GALNTL6: variants seen among roughly 807,000 people sequenced by gnomAD.
GALNTL6 encodes the protein polypeptide N-acetylgalactosaminyltransferase like 6.
GALNTL6 carries 46 observed loss-of-function variants against 73.7 expected under a neutral mutation model. That is an observed-to-expected ratio of 0.62 (90% CI 0.49 to 0.80). GALNTL6 has a LOEUF of 0.80. GALNTL6 is among the 30% of genes least tolerant of loss of function. The pLI is 0.00. For missense variants in GALNTL6, 604 were observed against 755.0 expected (o/e 0.80, Z 2.34); for synonymous variants, 259 against 263.7 (o/e 0.98, Z 0.17).
intron 8 of GALNTL6, among the ~76,000 whole-genome samples, chr4:172,886,337 A>G (rs1745716741): frequency 6.6e-6 from 1 of 152,166 alleles, no homozygotes; most frequent in South Asian, 2.1e-4. Context: ...CAGTTGTTCA[A>G]AATGGTCTCT....
intron 2 of GALNTL6, among the ~76,000 whole-genome samples, chr4:172,086,411 T>C (rs920880958): frequency 6.6e-6 from 1 of 152,178 alleles, no homozygotes; most frequent in African/African-American, 2.4e-5. Context: ...ATTTTATTTC[T>C]GTGCAAGCTA....
At chr4:173,037,812 G>C (rs552181132) in intron 12 of GALNTL6, among the ~76,000 whole-genome samples, 14 of 151,494 alleles carry the variant, frequency 9.2e-5, no homozygotes, top group African/African-American at 3.4e-4. Flanking sequence ...GCCTGATCTC[G>C]GCTCACTGCA....
chr4:171,988,928 A>AG lies in GALNTL6; in HGVS notation c.138+174210_138+174211insG, dbSNP rs1354064125. Reference sequence around the variant, plus strand: ...GTGAAGGAGGCTTTGAACTGGGGGAAAAGGTGGCAATGAGGTGTGGCTGTA... The same window carrying AG: ...GTGAAGGAGGCTTTGAACTGGGGGAAGAAGGTGGCAATGAGGTGTGGCTGTA... On this transcript the variant is annotated intron_variant, in intron 2 of 12. Coordinates refer to ENST00000506823, the MANE Select transcript of GALNTL6 (RefSeq NM_001034845.3). Among the ~76,000 whole-genome samples, 87 of 152,090 alleles carry AG rather than the reference A, an allele frequency of 5.7e-4. No homozygotes were observed. The South Asian group carries it at 0.018, about 31-fold the overall frequency.
At chr4:172,750,437 A>G (rs925840339) in intron 5 of GALNTL6, among the ~76,000 whole-genome samples, 1 of 152,202 alleles carries the variant, frequency 6.6e-6, no homozygotes, top group East Asian at 1.9e-4. Flanking sequence ...GCCACTTCAA[A>G]TGATGCCAAC....
chr4:172,167,141 C>T (rs1734653503), intron 2 of GALNTL6, among the ~76,000 whole-genome samples: 1 of 152,190 alleles, frequency 6.6e-6, no homozygotes. Context: ...TTAAAACCTC[C>T]TGGTACATAG....
chr4:171,819,597 G>A (rs2110800425), intron 2 of GALNTL6, among the ~76,000 whole-genome samples: 1 of 152,216 alleles, frequency 6.6e-6, no homozygotes, highest in South Asian at 2.1e-4. Context: ...TTGTTTGTCA[G>A]GAGTAGCCGT....
chr4:172,695,797 A>C (rs1364754639), intron 5 of GALNTL6, among the ~76,000 whole-genome samples: 1 of 151,994 alleles, frequency 6.6e-6, no homozygotes, highest in Non-Finnish European at 1.5e-5. Flanking sequence ...AATTACAAAG[A>C]AAAAAATTAG....
intron 2 of GALNTL6, among the ~76,000 whole-genome samples, chr4:171,904,244 GA>G (rs913629439): frequency 1.3e-5 from 2 of 151,976 alleles, no homozygotes; most frequent in African/African-American, 4.8e-5. Context: ...TGAAAACTTT[GA>G]AAAAAATTTA....
intron 5 of GALNTL6, among the ~76,000 whole-genome samples, chr4:172,447,965 T>C (rs1268357056): frequency 6.6e-6 from 1 of 152,220 alleles, no homozygotes; most frequent in Non-Finnish European, 1.5e-5. Context: ...AGGAGATTAT[T>C]ATAAAGGGTG....
intron 5 of GALNTL6, among the ~76,000 whole-genome samples, chr4:172,480,255 A>G (rs757980541): frequency 7.9e-5 from 12 of 152,002 alleles, no homozygotes; most frequent in Admixed American, 2.6e-4. Flanking sequence ...CGAGGTTGCC[A>G]TGAGTCATGA....
At chr4:172,159,607 ATATTG>A in intron 2 of GALNTL6, among the ~76,000 whole-genome samples, 1 of 152,248 alleles carries the variant, frequency 6.6e-6, no homozygotes, top group Non-Finnish European at 1.5e-5. Flanking sequence ...AAACTTTCCC[ATATTG>A]AAGGAACTTA....
intron 5 of GALNTL6, among the ~76,000 whole-genome samples, chr4:172,662,790 C>T (rs1464674815): frequency 6.6e-6 from 1 of 151,850 alleles, no homozygotes; most frequent in Non-Finnish European, 1.5e-5. Flanking sequence ...AATAAGCAAC[C>T]AAAAAAATAA....
chr4:172,889,750 C>T (rs1745926880), intron 8 of GALNTL6, among the ~76,000 whole-genome samples: 1 of 152,036 alleles, frequency 6.6e-6, no homozygotes, highest in South Asian at 2.1e-4. Context: ...ATTTTGACAT[C>T]AGGGTGATAC....
intron 8 of GALNTL6, among the ~76,000 whole-genome samples, chr4:172,894,975 G>C (rs1029278125): frequency 1.4e-5 from 2 of 144,686 alleles, no homozygotes; most frequent in African/African-American, 5.0e-5. Context: ...TTTACTTAAA[G>C]TCTCTTTTGT....
chr4:172,419,583 G>A (rs960373389), intron 5 of GALNTL6, among the ~76,000 whole-genome samples: 1 of 152,082 alleles, frequency 6.6e-6, no homozygotes, highest in Non-Finnish European at 1.5e-5. Context: ...GCCCATAAAC[G>A]TTTCTGGAGT....
At chr4:172,138,887 A>C (rs138573613) in intron 2 of GALNTL6, among the ~76,000 whole-genome samples, 3 of 152,004 alleles carry the variant, frequency 2.0e-5, no homozygotes, top group African/African-American at 7.2e-5. Context: ...ATTTTTTTGT[A>C]ATAAGAAAAG....
intron 5 of GALNTL6, among the ~76,000 whole-genome samples, chr4:172,363,018 C>A (rs1742424853): frequency 6.6e-6 from 1 of 152,132 alleles, no homozygotes; most frequent in African/African-American, 2.4e-5. Flanking sequence ...TTATAACAAT[C>A]AAAACTGGCA....
At chr4:172,025,022 G>A (rs1184782366) in intron 2 of GALNTL6, among the ~76,000 whole-genome samples, 1 of 151,848 alleles carries the variant, frequency 6.6e-6, no homozygotes, top group African/African-American at 2.4e-5. Flanking sequence ...CCTGGGATGG[G>A]AACAAAGGCA....
chr4:172,954,559 T>C (rs562530130), intron 10 of GALNTL6, among the ~76,000 whole-genome samples: 9 of 152,260 alleles, frequency 5.9e-5, no homozygotes, highest in African/African-American at 1.7e-4. Flanking sequence ...CTCAAACTCT[T>C]GGACTCAAGT....
Sources: allele counts gnomAD v4.1 joint callset (sites outside exome capture counted in the v4.1 genomes callset), GRCh38; gene constraint gnomAD v4.1.1; transcripts MANE v1.5; gene names NCBI Gene and HGNC (gene_info 2026-07-23, HGNC 2026-07-21).